Variants in ZNF18 observed in about 807,000 individuals in gnomAD.
ZNF18 encodes the protein heart development-specific gene 1 protein.
In ZNF18, 42 loss-of-function variants were observed where a neutral mutation model predicts 58.1. The ratio of observed to expected loss-of-function variants is 0.72; its 90% CI spans 0.56 to 0.93. The LOEUF is 0.93. ZNF18 is among the 40% of genes least tolerant of loss of function. ZNF18 has a pLI of 0.00. For synonymous variants in ZNF18, 231 were observed against 239.8 expected, an observed-to-expected ratio of 0.96 and a Z score of 0.34; for missense variants, 540 against 644.2, an observed-to-expected ratio of 0.84 and a Z score of 1.75.
At chr17:12,013,078 A>G in the ZNF18 span, among the ~76,000 whole-genome samples, 44 of 152,068 alleles carry the variant, frequency 2.9e-4, no homozygotes, top group African/African-American at 1.0e-3. Flanking sequence ...CAGCCTCCCA[A>G]GTAGCTGGGA....
the ZNF18 span, chr17:12,021,227 T>C: frequency 9.9e-6 from 3 of 303,234 alleles, no homozygotes; most frequent in South Asian, 3.2e-4. Context: ...CTGCCTGCGC[T>C]TGGCCCCTGG....
intron 4 of ZNF18, among the ~76,000 whole-genome samples, chr17:11,988,996 TA>T (rs1967927431): frequency 6.6e-6 from 1 of 151,732 alleles, no homozygotes; most frequent in South Asian, 2.1e-4. Context: ...CCATCTCTAC[TA>T]AAAATACAAA....
At chr17:11,984,722 T>A (rs563638507) in intron 4 of ZNF18, among the ~76,000 whole-genome samples, 1 of 152,016 alleles carries the variant, frequency 6.6e-6, no homozygotes, top group Non-Finnish European at 1.5e-5. Flanking sequence ...ACCATCAGGA[T>A]GGTCTCGATC....
the ZNF18 span, among the ~76,000 whole-genome samples, chr17:12,006,113 A>G: frequency 6.6e-6 from 1 of 152,276 alleles, no homozygotes; most frequent in African/African-American, 2.4e-5. Context: ...TGCTTTTGGC[A>G]CTGATCTGTG....
At chr17:12,002,845 A>G in the ZNF18 span, among the ~76,000 whole-genome samples, 1 of 152,216 alleles carries the variant, frequency 6.6e-6, no homozygotes, top group Admixed American at 6.5e-5. Flanking sequence ...GATTGACTCA[A>G]GGTGAAAGGA....
At chr17:12,016,925 G>A in the ZNF18 span, among the ~76,000 whole-genome samples, 19 of 152,050 alleles carry the variant, frequency 1.2e-4, no homozygotes, top group Admixed American at 5.2e-4. Flanking sequence ...GGCCAGGTGC[G>A]GTGGCTCACG....
upstream of ZNF18, among the ~76,000 whole-genome samples, chr17:12,000,461 C>G (rs769252513): frequency 6.6e-5 from 10 of 152,106 alleles, no homozygotes; most frequent in Non-Finnish European, 1.2e-4. Context: ...GTAATCCTAG[C>G]ACTTTGGGAG....
chr17:11,991,230 G>A, intron 2 of ZNF18, 67 bp from the exon 3 acceptor site: 3 of 1,389,430 alleles, frequency 2.2e-6, no homozygotes, highest in East Asian at 2.3e-5. Context: ...AAGACACAAA[G>A]CTTACTCTCT....
the ZNF18 span, among the ~76,000 whole-genome samples, chr17:12,011,695 A>AT: frequency 0.35 from 30,972 of 87,640 alleles, 6,236 homozygotes; most frequent in East Asian, 0.49. Flanking sequence ...AATGTTCTTA[A>AT]TTTTTTTTTT....
chr17:11,989,848 G>A (rs142829114), intron 4 of ZNF18, among the ~76,000 whole-genome samples: 1,535 of 151,952 alleles, frequency 0.01, 29 homozygotes, highest in African/African-American at 0.035. Flanking sequence ...GAGATTAACA[G>A]CAGATCAGAT....
Position 11,992,461 on chromosome 17 carries a change from G to C in ZNF18, c.369C>G (p.Pro123=), listed in dbSNP as rs548673219. 4.3e-6 allele frequency: 7 copies of C among 1,613,916 alleles called. No individual in the cohort carries two copies. In the Admixed American group the frequency reaches 5.0e-5, roughly 12 times the overall value. ...VTLVESLKGD[P]QRLWQWISIQ... ...TGCTTACCCATTGCCACAGTCTCTG[G>C]GGGTCCCCCTTCAAGCTTTCCACAA... Residue 123 remains proline, a synonymous_variant, in exon 2 of 7, where the codon CCC becomes CCG. Transcript: ENST00000580306.
chr17:11,993,012 T>C (rs987836207), intron 1 of ZNF18, 101 bp from the exon 2 acceptor site: 3 of 678,560 alleles, frequency 4.4e-6, no homozygotes, highest in Non-Finnish European at 7.2e-6. Flanking sequence ...GGGTCAACTA[T>C]GGAGCTTTTG....
chr17:11,983,436 T>C lies in ZNF18; in HGVS notation c.752-29A>G, dbSNP rs1168780990. The stretch of plus-strand genomic sequence containing the variant: ...TAGAGAGAAAGATGTATGGTGGGCC[T>C]GGATGAATAGGGAAGACTGGGAGCT... On this transcript the variant is annotated intron_variant, in intron 5 of 6. Coordinates refer to ENST00000580306, the MANE Select transcript of ZNF18 (RefSeq NM_001303281.2). The C allele has an allele frequency of 3.8e-6, 6 of 1,563,396 alleles. No homozygotes were observed. The South Asian group carries it at 6.7e-5, about 17-fold the overall frequency.
intron 6 of ZNF18, among the ~76,000 whole-genome samples, chr17:11,981,667 G>T (rs1328295274): frequency 6.6e-6 from 1 of 151,544 alleles, no homozygotes; most frequent in African/African-American, 2.4e-5. Context: ...AAAACGAGTA[G>T]GAATATAGTG....
the ZNF18 span, among the ~76,000 whole-genome samples, chr17:12,018,794 A>T: frequency 1.3e-5 from 2 of 152,132 alleles, no homozygotes; most frequent in Non-Finnish European, 1.5e-5. Context: ...ACAGCAATGC[A>T]AGTATATGTC....
At chr17:12,011,221 T>C in the ZNF18 span, 1 of 511,760 alleles carries the variant, frequency 2.0e-6, no homozygotes, top group Non-Finnish European at 3.6e-6. Context: ...TTTGTGTTCA[T>C]CATTTTGGTG....
At chr17:11,991,639 C>A (rs561887935) in intron 2 of ZNF18, among the ~76,000 whole-genome samples, 1 of 152,252 alleles carries the variant, frequency 6.6e-6, no homozygotes, top group East Asian at 1.9e-4. Context: ...GCTCCTAAAA[C>A]CCTGGTAATT....
rs569825761 is a variant in ZNF18 at position 11,995,263 on chromosome 17, A to C, written c.-83+2168T>G. On this transcript the variant is annotated intron_variant, in intron 1 of 6. Coordinates refer to ENST00000580306, the MANE Select transcript of ZNF18 (RefSeq NM_001303281.2). ...ATCTCTACTAAAAATACAAAAATTA[A>C]CCGGGCGTGGTGGTGAATGCCTGTA... Among the ~76,000 whole-genome samples the C allele has an allele frequency of 2.7e-3, 107 of 39,006 alleles. No homozygotes were observed. The South Asian group carries it at 0.14, about 50-fold the overall frequency. The allele number at this position is 39,006 out of a possible 152,430, so 25.6% of individuals were successfully genotyped here.
At position 11,984,148 on chromosome 17, in the gene ZNF18, A is replaced by T; in HGVS notation, c.716T>A (p.Leu239His). The T allele has an allele frequency of 6.2e-7, 1 of 1,612,984 alleles. No individual in the cohort carries two copies. ...CATTTTCCCATAGGTCTCCAGCATGAGATCCCAGTATTGCTCCTTTTGAGT... is the reference window on the plus strand; with the variant it reads ...CATTTTCCCATAGGTCTCCAGCATGTGATCCCAGTATTGCTCCTTTTGAGT... ...DSTQKEQYWDLMLETYGKMVS... is the reference protein window; with the variant it reads ...DSTQKEQYWDHMLETYGKMVS... The change falls in exon 5 of 7, where the codon CTC becomes CAC. Residue 239 changes from leucine (L) to histidine (H), a missense_variant. Coordinates refer to ENST00000580306, the MANE Select transcript of ZNF18 (RefSeq NM_001303281.2).
Sources: allele counts gnomAD v4.1 joint callset (sites outside exome capture counted in the v4.1 genomes callset), GRCh38; gene constraint gnomAD v4.1.1; transcripts MANE v1.5; gene names NCBI Gene and HGNC (gene_info 2026-07-23, HGNC 2026-07-21).